PACC1: variants seen among roughly 807,000 people sequenced by gnomAD.
PACC1 encodes the protein proton activated chloride channel 1.
Under a neutral mutation model 39.7 loss-of-function variants are expected in PACC1, and 34 were observed. The observed-to-expected ratio is 0.86, with a 90% confidence interval of 0.65 to 1.14. The LOEUF (loss-of-function observed/expected upper bound fraction) is 1.14, where lower values mean the gene tolerates loss of function less well. Among genes scored for constraint, PACC1 ranks in the 50% most tolerant of loss-of-function variants. The pLI, the probability that PACC1 is intolerant of heterozygous loss-of-function variation, is 0.00. For missense variants in PACC1, 379 were observed against 436.4 expected, an observed-to-expected ratio of 0.87 and a Z score of 1.17; for synonymous variants, 127 against 160.6, an observed-to-expected ratio of 0.79 and a Z score of 1.58.
At position 212,385,771 on chromosome 1, in the gene PACC1, C is replaced by T. The variant is rs578200254; in HGVS notation, c.344-346G>A. Among the ~76,000 whole-genome samples, 16 of 152,306 alleles carry T rather than the reference C, an allele frequency of 1.1e-4. 1 individual carries two copies. The South Asian group carries it at 2.7e-3, about 26-fold the overall frequency. ...TGCCACCCCTCTGGGCCAACACCCA[C>T]CTGCAGAATCACTGGGAGGCTCTAA... is the stretch of plus-strand genomic sequence containing the variant. On this transcript the variant is annotated intron_variant, in intron 3 of 7. Transcript: ENST00000261455.
At chr1:212,394,184 C>G (rs955188960) in intron 2 of PACC1, among the ~76,000 whole-genome samples, 11 of 152,180 alleles carry the variant, frequency 7.2e-5, no homozygotes, top group East Asian at 1.9e-4. Context: ...CGCAAAAATC[C>G]TCAATAAAAC....
intron 1 of PACC1, 67 bp downstream of exon 1, chr1:212,414,655 C>T: frequency 1.3e-6 from 2 of 1,570,444 alleles, no homozygotes; most frequent in Non-Finnish European, 1.7e-6. Flanking sequence ...CGCCCCGCAT[C>T]CGCCCAGGCC....
intron 2 of PACC1, among the ~76,000 whole-genome samples, chr1:212,405,511 T>C (rs1305428813): frequency 2.6e-5 from 4 of 152,220 alleles, no homozygotes; most frequent in Non-Finnish European, 4.4e-5. Context: ...AAGTTCTTCC[T>C]TGGGTAACCG....
chr1:212,405,020 G>C (rs1315999165), intron 2 of PACC1, among the ~76,000 whole-genome samples: 1 of 152,086 alleles, frequency 6.6e-6, no homozygotes, highest in African/African-American at 2.4e-5. Context: ...TGATCTGCTC[G>C]CTTTGGCCTC....
At chr1:212,406,177 T>A in intron 2 of PACC1, among the ~76,000 whole-genome samples, 1 of 137,280 alleles carries the variant, frequency 7.3e-6, no homozygotes, top group African/African-American at 2.7e-5. Flanking sequence ...ACCCCCAAAA[T>A]GGCAACCACT....
intron 1 of PACC1, 98 bp downstream of exon 1, chr1:212,414,624 C>T (rs1390842278): frequency 6.2e-6 from 9 of 1,463,270 alleles, no homozygotes; most frequent in Middle Eastern, 1.9e-4. Flanking sequence ...GAGCCCTCTG[C>T]CGCGCAGCCC....
chr1:212,367,445 C>T (rs558562207), intron 7 of PACC1, among the ~76,000 whole-genome samples: 18 of 152,266 alleles, frequency 1.2e-4, no homozygotes, highest in African/African-American at 4.3e-4. Context: ...TGATTCCAGG[C>T]TAGAGCCCGT....
intron 4 of PACC1, 55 bp downstream of exon 4, chr1:212,385,219 G>T (rs1661053440): frequency 6.2e-7 from 1 of 1,607,216 alleles, no homozygotes; most frequent in Non-Finnish European, 8.5e-7. Context: ...GGGGCCTTGG[G>T]TTGCGGGGCT....
chr1:212,379,756 C>CA, intron 5 of PACC1, 139 bp downstream of exon 5: 1 of 1,039,182 alleles, frequency 9.6e-7, no homozygotes, highest in South Asian at 1.6e-5. Flanking sequence ...TCATGAGGTC[C>CA]CTTCCTGGGC....
chr1:212,412,519 C>T (rs1371242861), intron 1 of PACC1, among the ~76,000 whole-genome samples: 1 of 152,196 alleles, frequency 6.6e-6, no homozygotes, highest in Admixed American at 6.5e-5. Flanking sequence ...AAGAAAGACG[C>T]CGGCCATTTT....
At chr1:212,381,770 G>GACACACACACACACACACACAC (rs10529310) in intron 4 of PACC1, among the ~76,000 whole-genome samples, 1,454 of 118,078 alleles carry the variant, frequency 0.012, 52 homozygotes, top group African/African-American at 0.027. Flanking sequence ...ACAGCACAGT[G>GACACACACACACACACACACAC]ACACACACAC....
intron 4 of PACC1, among the ~76,000 whole-genome samples, chr1:212,382,024 GC>G (rs1660915448): frequency 6.8e-6 from 1 of 147,510 alleles, no homozygotes; most frequent in African/African-American, 2.5e-5. Flanking sequence ...CAATTTGTTA[GC>G]TGACACTGGA....
intron 2 of PACC1, among the ~76,000 whole-genome samples, chr1:212,397,152 ATAAG>A (rs1379124246): frequency 2.8e-4 from 42 of 152,312 alleles, no homozygotes; most frequent in Admixed American, 1.1e-3. Flanking sequence ...AAAATGTTAA[ATAAG>A]TGAGTAAAAC....
At chr1:212,410,698 A>G (rs1479996639) in intron 1 of PACC1, among the ~76,000 whole-genome samples, 177 bp from the exon 2 acceptor site, 1 of 152,196 alleles carries the variant, frequency 6.6e-6, no homozygotes, top group Non-Finnish European at 1.5e-5. Flanking sequence ...AGCTCAATAA[A>G]CTTTCTGCTC....
At chr1:212,379,563 C>T (rs762798656) in intron 5 of PACC1, among the ~76,000 whole-genome samples, 1 of 152,232 alleles carries the variant, frequency 6.6e-6, no homozygotes, top group Non-Finnish European at 1.5e-5. Flanking sequence ...CACACAAGAA[C>T]TTGCTCTCAA....
At chr1:212,414,280 G>A (rs57517430) in intron 1 of PACC1, among the ~76,000 whole-genome samples, 2 of 152,228 alleles carry the variant, frequency 1.3e-5, no homozygotes, top group Admixed American at 6.5e-5. Context: ...GGGCTTGGAG[G>A]GGGAGGATGC....
intron 3 of PACC1, 120 bp from the exon 4 acceptor site, chr1:212,385,545 G>A: frequency 2.8e-6 from 3 of 1,075,556 alleles, no homozygotes; most frequent in Non-Finnish European, 1.4e-6. Context: ...GCAGGGAAGG[G>A]AGAAGAAAAG....
chr1:212,408,366 A>AT (rs930721026), intron 2 of PACC1, among the ~76,000 whole-genome samples: 284 of 144,860 alleles, frequency 2.0e-3, no homozygotes, highest in Non-Finnish European at 2.8e-3. Flanking sequence ...ACTTTATTTT[A>AT]TTTTTTTTTT....
At chr1:212,381,409 T>G (rs1660874533) in intron 4 of PACC1, among the ~76,000 whole-genome samples, 1 of 152,314 alleles carries the variant, frequency 6.6e-6, no homozygotes, top group South Asian at 2.1e-4. Context: ...TTTTCAACCT[T>G]TCTGTACCAT....
Sources: gnomAD v4.1 joint callset for allele counts (sites outside exome capture counted in the v4.1 genomes callset) on GRCh38, gnomAD v4.1.1 for gene constraint, MANE v1.5 for transcripts, NCBI Gene and HGNC (gene_info 2026-07-23, HGNC 2026-07-21) for gene names.